Variants in USP25 observed in about 807,000 individuals in gnomAD.
USP25 encodes ubiquitin carboxyl-terminal hydrolase 25.
Under a neutral mutation model 158.5 loss-of-function variants are expected in USP25, and 85 were observed. The ratio of observed to expected loss-of-function variants is 0.54; its 90% confidence interval spans 0.45 to 0.64. The LOEUF (loss-of-function observed/expected upper bound fraction) is 0.64, where lower values mean the gene tolerates loss of function less well. Ranked by LOEUF, USP25 falls within the 30% of genes least tolerant of loss-of-function variation. The pLI, the probability that USP25 is intolerant of heterozygous loss-of-function variation, is 0.00. For synonymous variants in USP25, 464 were observed against 460.4 expected (o/e 1.01, Z -0.10); for missense variants, 1,242 against 1,327.3 (o/e 0.94, Z 1.00).
At chr21:15,795,345 AC>A (rs2035808255) in intron 5 of USP25, among the ~76,000 whole-genome samples, 1 of 151,578 alleles carries the variant, frequency 6.6e-6, no homozygotes, top group Non-Finnish European at 1.5e-5. Context: ...GTCAATTGCT[AC>A]CTTTTTCCCC....
rs2040062616 is a variant in USP25, at chr21:15,875,445, G to A, written c.3009+919G>A. Reference sequence around the variant, plus strand: ...TGTTCCTTTCAGATTTTTTCACGTTGTATATTTACAAAGTGTCAGGTTCTG... The same window carrying A: ...TGTTCCTTTCAGATTTTTTCACGTTATATATTTACAAAGTGTCAGGTTCTG... On this transcript the variant is annotated intron_variant, in intron 24 of 25. Transcript: ENST00000400183. The surrounding 1 kb of genome is among the most constrained non-coding windows in gnomAD (Gnocchi z 4.7). 6.6e-6 allele frequency among the ~76,000 whole-genome samples: 1 copy of A among 152,106 alleles called. No individual in the cohort carries two copies. The highest frequency in any genetic ancestry group is 1.5e-5 in the Non-Finnish European group (1 of 68,018).
chr21:15,760,798 C>T (rs997384220), intron 1 of USP25, among the ~76,000 whole-genome samples: 6 of 152,176 alleles, frequency 3.9e-5, no homozygotes, highest in African/African-American at 1.4e-4. Context: ...TTGCAGGCAT[C>T]ATGCCCCTTT....
At chr21:15,813,235 A>G (rs1293183866) in intron 9 of USP25, among the ~76,000 whole-genome samples, 2 of 152,312 alleles carry the variant, frequency 1.3e-5, no homozygotes. Flanking sequence ...CATTTACTGC[A>G]ATAAATATTT....
At chr21:15,836,398 A>C (rs921465884) in intron 17 of USP25, among the ~76,000 whole-genome samples, 1 of 152,232 alleles carries the variant, frequency 6.6e-6, no homozygotes, top group African/African-American at 2.4e-5. Context: ...AATGATGGGA[A>C]AGTATTTTTT....
intron 1 of USP25, among the ~76,000 whole-genome samples, chr21:15,756,764 GCTTAT>G (rs1328882096): frequency 6.6e-6 from 1 of 152,090 alleles, no homozygotes; most frequent in East Asian, 1.9e-4. Flanking sequence ...TGACTTCTTT[GCTTAT>G]TAATTTTTGT....
intron 21 of USP25, 23 bp downstream of exon 21, chr21:15,864,469 A>G (rs755600421): frequency 1.3e-6 from 2 of 1,565,950 alleles, no homozygotes; most frequent in Admixed American, 2.0e-5. Flanking sequence ...TATAAAATTC[A>G]TATGCTCAAA....
At chr21:15,798,269 A>G (rs2035958618) in intron 5 of USP25, among the ~76,000 whole-genome samples, 1 of 151,282 alleles carries the variant, frequency 6.6e-6, no homozygotes, top group South Asian at 2.1e-4. Context: ...GATGTACAGC[A>G]GAATCTTTTG....
chr21:15,768,888 T>C (rs1370991379), intron 3 of USP25, among the ~76,000 whole-genome samples: 2 of 152,126 alleles, frequency 1.3e-5, no homozygotes, highest in African/African-American at 4.8e-5. Flanking sequence ...AACAAAGTCA[T>C]GCTAACTTTA....
chr21:15,767,539 C>T (rs942620636), intron 3 of USP25, among the ~76,000 whole-genome samples: 1 of 151,838 alleles, frequency 6.6e-6, no homozygotes, highest in Non-Finnish European at 1.5e-5. Context: ...TCTTTCAAAA[C>T]CAATGAAAGG....
intron 1 of USP25, among the ~76,000 whole-genome samples, chr21:15,733,021 T>C (rs2031087999): frequency 6.6e-6 from 1 of 151,910 alleles, no homozygotes; most frequent in East Asian, 1.9e-4. Flanking sequence ...AATTTTGGTT[T>C]TGGACATATA....
chr21:15,780,942 G>A (rs1286193550), intron 4 of USP25, among the ~76,000 whole-genome samples: 1 of 152,146 alleles, frequency 6.6e-6, no homozygotes, highest in Admixed American at 6.5e-5. Context: ...GCATGGAAGG[G>A]CCATCGAATA....
At chr21:15,744,361 G>C (rs114408486) in intron 1 of USP25, 31 of 152,420 alleles carry the variant, frequency 2.0e-4, no homozygotes, top group African/African-American at 7.0e-4. Flanking sequence ...AGGTCTCACC[G>C]TGTCACCCAG....
chr21:15,778,002 A>G lies in USP25; in HGVS notation c.367A>G (p.Thr123Ala), dbSNP rs2034754608. 1.2e-6 allele frequency: 2 copies of G among 1,610,330 alleles called. No homozygotes were observed. Among genetic ancestry groups the G allele is most frequent in the African/African-American group, 2.7e-5 (2 of 74,782 alleles). Residue 123 changes from threonine (T) to alanine (A), a missense_variant, in exon 4 of 26, where the codon ACT (threonine) becomes GCT (alanine). Coordinates refer to ENST00000400183, the MANE Select transcript of USP25 (RefSeq NM_001283041.3). ...SNRAFRETGI[T>A]DEEQAISRVL... ...CAGGGCATTCAGGGAGACTGGAATA[A>G]CTGATGAGGAACAAGCCATTAGCAG...
Position 15,864,334 on chromosome 21 carries a change from T to A in USP25, c.2614T>A (p.Tyr872Asn), listed in dbSNP as rs750545124. Reference sequence around the variant, plus strand: ...AGAAGACACCCCACCAGAAACCGATTATCGTTTACATCATGTAGTGGTCTA... The same window carrying A: ...AGAAGACACCCCACCAGAAACCGATAATCGTTTACATCATGTAGTGGTCTA... ...AQEDTPPETD[Y>N]RLHHVVVYFI... is the part of the protein sequence containing the mutation. The change falls in exon 21 of 26, where the codon TAT (tyrosine) becomes AAT (asparagine). Residue 872 changes from tyrosine to asparagine, a missense_variant. Around this residue, in one of 3 missense-constraint regions of USP25, gnomAD observed 608 missense variants for 605.2 expected, o/e 1.00. Coordinates refer to ENST00000400183, the MANE Select transcript of USP25 (RefSeq NM_001283041.3). The A allele has an allele frequency of 6.2e-7, 1 of 1,613,314 alleles. No individual in the cohort carries two copies. The highest frequency in any genetic ancestry group is 2.2e-5 in the East Asian group (1 of 44,794).
intron 1 of USP25, among the ~76,000 whole-genome samples, chr21:15,748,019 A>G (rs1190116447): frequency 6.6e-6 from 1 of 152,152 alleles, no homozygotes; most frequent in Non-Finnish European, 1.5e-5. Context: ...GTCCTGTTTC[A>G]CAAAGATAGT....
At chr21:15,732,323 T>G (rs1319413058) in intron 1 of USP25, among the ~76,000 whole-genome samples, 1 of 152,232 alleles carries the variant, frequency 6.6e-6, no homozygotes, top group Non-Finnish European at 1.5e-5. Flanking sequence ...GAAGAAACAC[T>G]TAAATGTGTT....
intron 3 of USP25, among the ~76,000 whole-genome samples, chr21:15,773,525 C>T (rs2034474769): frequency 6.6e-6 from 1 of 151,964 alleles, no homozygotes; most frequent in African/African-American, 2.4e-5. Context: ...TTATTGTACA[C>T]ATACAATCTC....
intron 5 of USP25, among the ~76,000 whole-genome samples, chr21:15,799,247 CTT>C (rs1390114375): frequency 6.6e-6 from 1 of 151,236 alleles, no homozygotes; most frequent in Non-Finnish European, 1.5e-5. Context: ...ATCACTGCAT[CTT>C]GAAGTCACGA....
Position 15,789,490 on chromosome 21 carries a change from C to T in USP25, c.393-2012C>T, listed in dbSNP as rs577335096. On this transcript the variant is annotated intron_variant, in intron 4 of 25. Coordinates refer to ENST00000400183, the MANE Select transcript of USP25 (RefSeq NM_001283041.3). ...TGTTATAATTAGTAGTTAAATATAA[C>T]GACAGATGTTCATATGCTATAGATT... 1.4e-4 allele frequency among the ~76,000 whole-genome samples: 21 copies of T among 152,122 alleles called. No homozygotes were observed. In the East Asian group the frequency reaches 3.5e-3, roughly 25 times the overall value.
Sources: allele counts gnomAD v4.1 joint callset (sites outside exome capture counted in the v4.1 genomes callset), GRCh38; gene constraint gnomAD v4.1.1; regional missense constraint gnomAD v4.1.1; non-coding constraint Gnocchi (gnomAD v3.1); transcripts MANE v1.5; gene names NCBI Gene and HGNC (gene_info 2026-07-23, HGNC 2026-07-21).